The following MCF2L2 variants were observed in gnomAD, a reference collection of about 807,000 sequenced individuals.
MCF2L2 encodes the protein probable guanine nucleotide exchange factor MCF2L2.
In MCF2L2, 102 loss-of-function variants were observed where a neutral mutation model predicts 150.2. That is an observed-to-expected ratio of 0.68 (90% CI 0.58 to 0.80). The LOEUF (loss-of-function observed/expected upper bound fraction) is 0.80. Among genes scored for constraint, MCF2L2 ranks in the 30% least tolerant of loss-of-function variants. The pLI is 0.00. For missense variants in MCF2L2, 1,256 were observed against 1,372.8 expected, an observed-to-expected ratio of 0.91 and a Z score of 1.34; for synonymous variants, 465 against 491.3, an observed-to-expected ratio of 0.95 and a Z score of 0.71.
rs754496832 is a variant in MCF2L2, at chr3:183,341,642, G to A, written c.276-12C>T. ...TGGCAGCCTCCACACTGCAAAGAAG[G>A]GTGGTCAGTGTCAGAGATTAGGTGA... On this transcript the variant is annotated splice_polypyrimidine_tract_variant and intron_variant, in intron 3 of 29. Coordinates refer to ENST00000328913, the MANE Select transcript of MCF2L2 (RefSeq NM_015078.4). 1.9e-6 allele frequency: 3 copies of A among 1,587,486 alleles called. No homozygotes were observed. In the African/African-American group the frequency reaches 4.0e-5, roughly 21 times the overall value.
At chr3:183,297,642 C>CCCTTCCTTCCTTCCTCCCTT (rs1553776758) in intron 11 of MCF2L2, 1 of 146,118 alleles carries the variant, frequency 6.8e-6, no homozygotes, top group Non-Finnish European at 1.5e-5. Context: ...CTTCCTTCCT[C>CCCTTCCTTCCTTCCTCCCTT]CCTTCCTTCC....
chr3:183,320,153 C>T (rs1039996048), intron 6 of MCF2L2, among the ~76,000 whole-genome samples: 2 of 148,002 alleles, frequency 1.4e-5, no homozygotes, highest in African/African-American at 2.5e-5. Context: ...AGTGCAGTGG[C>T]GCGATCTCAG....
intron 4 of MCF2L2, among the ~76,000 whole-genome samples, chr3:183,340,924 CAG>C (rs1730671831): frequency 6.6e-6 from 1 of 152,196 alleles, no homozygotes; most frequent in African/African-American, 2.4e-5. Context: ...GCCTGGGCGA[CAG>C]AGTGAGACAC....
chr3:183,336,317 G>A (rs1730478933), intron 5 of MCF2L2, among the ~76,000 whole-genome samples: 1 of 151,990 alleles, frequency 6.6e-6, no homozygotes, highest in South Asian at 2.1e-4. Flanking sequence ...TCTGGACAAA[G>A]GGCATGTGAT....
intron 5 of MCF2L2, among the ~76,000 whole-genome samples, chr3:183,334,095 C>G (rs1455859561): frequency 2.6e-5 from 4 of 152,028 alleles, no homozygotes; most frequent in African/African-American, 9.7e-5. Context: ...TGACAAACCA[C>G]TGAAAAACTA....
chr3:183,407,905 G>A lies in MCF2L2; in HGVS notation c.77-18126C>T, dbSNP rs575457373. Among the ~76,000 whole-genome samples, 367 of 152,188 alleles carry A rather than the reference G, an allele frequency of 2.4e-3. 1 individual carries two copies. The highest frequency in any genetic ancestry group is 4.3e-3 in the Non-Finnish European group (291 of 67,996). On this transcript the variant is annotated intron_variant, in intron 1 of 29. Transcript: ENST00000328913. The stretch of plus-strand genomic sequence containing the variant: ...TCCTGCACCAAACCCTCTTCACGGC[G>A]GGGGAGAAAAAAGAGGAAAGAGAAA...
chr3:183,195,265 T>TA lies in MCF2L2; in HGVS notation c.2885-11dup, dbSNP rs1009251695. 6 of 1,597,192 alleles carry TA rather than the reference T, an allele frequency of 3.8e-6. No homozygotes were observed. In the Admixed American group the frequency reaches 9.0e-5, roughly 24 times the overall value. Reference sequence around the variant, plus strand: ...TGTGGATTTCCTTGGTCTAAAATTTTAAAAAACAAAAAACAGCACTCTCAA... The same window carrying TA: ...TGTGGATTTCCTTGGTCTAAAATTTTAAAAAAACAAAAAACAGCACTCTCAA... On this transcript the variant is annotated splice_polypyrimidine_tract_variant and intron_variant, in intron 25 of 29. Coordinates refer to ENST00000328913, the MANE Select transcript of MCF2L2 (RefSeq NM_015078.4).
At chr3:183,407,947 G>A (rs1715126298) in intron 1 of MCF2L2, among the ~76,000 whole-genome samples, 1 of 152,146 alleles carries the variant, frequency 6.6e-6, no homozygotes, top group Non-Finnish European at 1.5e-5. Flanking sequence ...ATGGGGTATG[G>A]GAGGTGCCAG....
chr3:183,203,589 A>T (rs1040072152), intron 25 of MCF2L2, among the ~76,000 whole-genome samples: 1 of 152,202 alleles, frequency 6.6e-6, no homozygotes, highest in African/African-American at 2.4e-5. Context: ...AGCCTCAGAG[A>T]CTGTGAGATA....
rs536990137 is a variant in MCF2L2 at position 183,352,380 on chromosome 3, G to A, written c.276-10750C>T. On this transcript the variant is annotated intron_variant, in intron 3 of 29. Transcript: ENST00000328913. The stretch of plus-strand genomic sequence containing the variant: ...TCTACTAAAAATGAAAAAATTAGCC[G>A]GGCATGGTGGTGCGTGCCTGTAATC... Among the ~76,000 whole-genome samples the A allele has an allele frequency of 7.9e-5, 12 of 152,242 alleles. No individual in the cohort carries two copies. The South Asian group carries it at 1.9e-3, about 24-fold the overall frequency.
chr3:183,180,143 CT>C lies in MCF2L2; in HGVS notation c.3032del (p.Glu1011GlyfsTer24). On this transcript the variant is annotated frameshift_variant, in exon 28 of 30. Transcript: ENST00000328913. LOFTEE classifies it high-confidence loss of function. ...CTTCAAAGGTGTCCATGGAGCTAAA[CT>C]CCCTGCTGGAGCAGCCTTAGGGAGA... Reference protein sequence around the residue: ...TGGIKGCSSREFSSMDTFEDC... With the variant: ...TGGIKGCSSRXFSSMDTFEDC... 6.2e-7 allele frequency: 1 copy of C among 1,613,544 alleles called. No individual in the cohort carries two copies. Among genetic ancestry groups the C allele is most frequent in the Non-Finnish European group, 8.5e-7 (1 of 1,179,646 alleles).
chr3:183,294,609 G>GTGTA (rs1728367187), intron 13 of MCF2L2, among the ~76,000 whole-genome samples: 1 of 136,004 alleles, frequency 7.4e-6, no homozygotes, highest in Non-Finnish European at 1.5e-5. Context: ...ATGTGTGTGT[G>GTGTA]TGTGTGTATA....
intron 3 of MCF2L2, among the ~76,000 whole-genome samples, chr3:183,348,613 C>A (rs556718070): frequency 6.6e-6 from 1 of 151,952 alleles, no homozygotes; most frequent in Admixed American, 6.6e-5. Flanking sequence ...GGAGTAAATA[C>A]ACTGCTTACA....
intron 1 of MCF2L2, among the ~76,000 whole-genome samples, chr3:183,420,058 T>G (rs1715798459): frequency 3.3e-5 from 5 of 152,226 alleles, no homozygotes; most frequent in Admixed American, 2.0e-4. Flanking sequence ...CATCTCCATC[T>G]GAGACCACCT....
intron 1 of MCF2L2, among the ~76,000 whole-genome samples, chr3:183,407,247 TC>T (rs1438935413): frequency 6.6e-6 from 1 of 152,234 alleles, no homozygotes; most frequent in Non-Finnish European, 1.5e-5. Flanking sequence ...TACCACACTG[TC>T]GTGATTACTT....
At chr3:183,356,330 C>G (rs961773322) in intron 3 of MCF2L2, among the ~76,000 whole-genome samples, 1 of 151,868 alleles carries the variant, frequency 6.6e-6, no homozygotes, top group Non-Finnish European at 1.5e-5. Flanking sequence ...CTGGCCAACA[C>G]GGTGAAACCC....
At chr3:183,416,534 C>A (rs1715596887) in intron 1 of MCF2L2, among the ~76,000 whole-genome samples, 1 of 152,076 alleles carries the variant, frequency 6.6e-6, no homozygotes, top group South Asian at 2.1e-4. Context: ...CATCATAGGT[C>A]AAAATAACTG....
chr3:183,376,855 C>A lies in MCF2L2; in HGVS notation c.275+2442G>T, dbSNP rs1469663437. ...GAAGCTTAAAAAATAGAATTTCTAA[C>A]AAGGTCTGTGCAATATTCTCTAAGT... On this transcript the variant is annotated intron_variant, in intron 3 of 29. Coordinates refer to ENST00000328913, the MANE Select transcript of MCF2L2 (RefSeq NM_015078.4). 3 of 152,090 alleles carry A rather than the reference C, an allele frequency of 2.0e-5. No homozygotes were observed. In the East Asian group the frequency reaches 5.8e-4, roughly 29 times the overall value. The allele number at this position is 152,090 out of a possible 1,614,324, so 9.4% of individuals were successfully genotyped here.
chr3:183,319,170 T>C (rs1313337267), intron 6 of MCF2L2, among the ~76,000 whole-genome samples: 3 of 152,256 alleles, frequency 2.0e-5, no homozygotes, highest in African/African-American at 7.2e-5. Flanking sequence ...AAATCCTTTG[T>C]TGTCATTTCA....
Sources: gnomAD v4.1 joint callset for allele counts (sites outside exome capture counted in the v4.1 genomes callset) on GRCh38, gnomAD v4.1.1 for gene constraint, MANE v1.5 for transcripts, NCBI Gene and HGNC (gene_info 2026-07-23, HGNC 2026-07-21) for gene names.